The following ISM1 variants were observed in gnomAD, a reference collection of about 807,000 sequenced individuals.
ISM1 encodes the protein isthmin-1.
ISM1 carries 25 observed loss-of-function variants against 46.3 expected under a neutral mutation model. That is an observed-to-expected ratio of 0.54 (90% confidence interval 0.39 to 0.75). The LOEUF is 0.75. Among genes scored for constraint, ISM1 ranks in the 30% least tolerant of loss-of-function variants. ISM1 has a pLI of 0.00. For synonymous variants in ISM1, 255 were observed against 256.7 expected (o/e 0.99, Z 0.06); for missense variants, 536 against 625.4 (o/e 0.86, Z 1.52).
Position 13,226,414 on chromosome 20 carries a change from A to T in ISM1, c.138+4500A>T, listed in dbSNP as rs569663053. On this transcript the variant is annotated intron_variant, in intron 1 of 5. Coordinates refer to ENST00000262487, the MANE Select transcript of ISM1 (RefSeq NM_080826.2). ...AGTCAGGCTGATTACTTTTACTGGA[A>T]TTTTTTTTTTTAATGATTGACAATT... 2.5e-3 allele frequency among the ~76,000 whole-genome samples: 372 copies of T among 148,608 alleles called. 4 individuals are homozygous for T. Among genetic ancestry groups the T allele is most frequent in the African/African-American group, 8.1e-3 (330 of 40,686 alleles).
At chr20:13,262,271 C>A (rs907964749) in intron 1 of ISM1, among the ~76,000 whole-genome samples, 7 of 152,154 alleles carry the variant, frequency 4.6e-5, no homozygotes, top group Non-Finnish European at 1.0e-4. Flanking sequence ...GGTGGCCTGG[C>A]CTTTATAGCC....
Position 13,288,526 on chromosome 20 carries a change from TG to T in ISM1, c.644-12del, listed in dbSNP as rs2040317546. On this transcript the variant is annotated splice_polypyrimidine_tract_variant and intron_variant, in intron 3 of 5. Coordinates refer to ENST00000262487, the MANE Select transcript of ISM1 (RefSeq NM_080826.2). The stretch of plus-strand genomic sequence containing the variant: ...TGGCCAAAGTTGATGACCATCTCCC[TG>T]GCTGTCTTCCAGATTCCACAGATGG... 6.2e-7 allele frequency: 1 copy of T among 1,612,692 alleles called. No individual in the cohort carries two copies. Among genetic ancestry groups the T allele is most frequent in the Non-Finnish European group, 8.5e-7 (1 of 1,179,044 alleles).
chr20:13,282,628 G>T (rs963208607), intron 3 of ISM1, among the ~76,000 whole-genome samples: 2 of 152,170 alleles, frequency 1.3e-5, no homozygotes, highest in Non-Finnish European at 2.9e-5. Flanking sequence ...CCATGGAGAA[G>T]CTCCATCCTG....
chr20:13,301,696 A>T (rs2040459480), downstream of ISM1, among the ~76,000 whole-genome samples: 1 of 151,866 alleles, frequency 6.6e-6, no homozygotes, highest in Non-Finnish European at 1.5e-5. Context: ...TAATGAGGAA[A>T]TTTTTTTTGC....
At chr20:13,289,253 G>A (rs556075845) in intron 4 of ISM1, among the ~76,000 whole-genome samples, 21 of 152,238 alleles carry the variant, frequency 1.4e-4, no homozygotes, top group Admixed American at 1.0e-3. Context: ...TTTTGATGTG[G>A]GATTTGTTGT....
chr20:13,237,154 A>C (rs745785082), intron 1 of ISM1, among the ~76,000 whole-genome samples: 1 of 152,188 alleles, frequency 6.6e-6, no homozygotes, highest in African/African-American at 2.4e-5. Flanking sequence ...ACACATGAGA[A>C]TTCTGGGAGA....
At chr20:13,294,898 C>T (rs564416464) in intron 5 of ISM1, among the ~76,000 whole-genome samples, 11 of 152,310 alleles carry the variant, frequency 7.2e-5, no homozygotes, top group African/African-American at 2.4e-4. Context: ...ACTCAAGTCA[C>T]AGAGCTCCTG....
At chr20:13,318,390 T>C in the ISM1 span, among the ~76,000 whole-genome samples, 1 of 152,196 alleles carries the variant, frequency 6.6e-6, no homozygotes, top group South Asian at 2.1e-4. Flanking sequence ...GAATTCAAAA[T>C]GGCGTGACCA....
chr20:13,307,259 A>C, the ISM1 span, among the ~76,000 whole-genome samples: 1 of 152,202 alleles, frequency 6.6e-6, no homozygotes, highest in Admixed American at 6.5e-5. Context: ...CCTTTGGGCC[A>C]GTCTTTTTCA....
chr20:13,267,450 G>A (rs545794570), intron 1 of ISM1, among the ~76,000 whole-genome samples: 2 of 152,262 alleles, frequency 1.3e-5, no homozygotes, highest in East Asian at 1.9e-4. Flanking sequence ...ACCCTAACGC[G>A]ACACTTCCCT....
At chr20:13,293,471 GCCT>G (rs1347977972) in intron 5 of ISM1, among the ~76,000 whole-genome samples, 2 of 151,282 alleles carry the variant, frequency 1.3e-5, no homozygotes, top group Non-Finnish European at 2.9e-5. Flanking sequence ...CCTCTGCCCT[GCCT>G]CCTCAGTCAA....
At chr20:13,280,128 G>A (rs886382873) in intron 3 of ISM1, among the ~76,000 whole-genome samples, 4 of 152,122 alleles carry the variant, frequency 2.6e-5, no homozygotes, top group African/African-American at 4.8e-5. Flanking sequence ...CCAATTATCC[G>A]AAGAGATAAT....
At chr20:13,222,551 G>T (rs960338213) in intron 1 of ISM1, among the ~76,000 whole-genome samples, 1 of 152,152 alleles carries the variant, frequency 6.6e-6, no homozygotes, top group East Asian at 1.9e-4. Flanking sequence ...TGAAGGCACC[G>T]GTAGTGATTT....
At chr20:13,271,048 A>C (rs1248738531) in intron 2 of ISM1, among the ~76,000 whole-genome samples, 1 of 152,256 alleles carries the variant, frequency 6.6e-6, no homozygotes, top group Non-Finnish European at 1.5e-5. Flanking sequence ...AAAGCAAAAC[A>C]AAACAAAATA....
At chr20:13,229,825 C>A (rs1414862499) in intron 1 of ISM1, among the ~76,000 whole-genome samples, 2 of 152,072 alleles carry the variant, frequency 1.3e-5, no homozygotes, top group Non-Finnish European at 2.9e-5. Flanking sequence ...TCATATCTAC[C>A]AGAAATCCCT....
At position 13,246,084 on chromosome 20, in the gene ISM1, T is replaced by G. The variant is rs545287138; in HGVS notation, c.138+24170T>G. On this transcript the variant is annotated intron_variant, in intron 1 of 5. Transcript: ENST00000262487. The stretch of plus-strand genomic sequence containing the variant: ...GGCGTTCAAGACCAGCTGGCCAACA[T>G]GGTGAAACCCCGTCTCTACTGAAAA... Among the ~76,000 whole-genome samples the G allele has an allele frequency of 1.2e-3, 187 of 152,156 alleles. 3 individuals carry two copies. Among genetic ancestry groups the G allele is most frequent in the African/African-American group, 4.4e-3 (182 of 41,508 alleles).
intron 5 of ISM1, among the ~76,000 whole-genome samples, chr20:13,296,309 G>A (rs567179751): frequency 1.1e-4 from 17 of 152,248 alleles, no homozygotes; most frequent in African/African-American, 4.1e-4. Flanking sequence ...TTCCTAGCTG[G>A]AAATCCAGGA....
chr20:13,294,489 A>G (rs1375049107), intron 5 of ISM1, among the ~76,000 whole-genome samples: 1 of 152,238 alleles, frequency 6.6e-6, no homozygotes, highest in Non-Finnish European at 1.5e-5. Flanking sequence ...CCCCACAGGC[A>G]GGCAGCATCT....
chr20:13,280,603 G>A (rs1228185825), intron 3 of ISM1, among the ~76,000 whole-genome samples: 2 of 152,136 alleles, frequency 1.3e-5, no homozygotes, highest in Non-Finnish European at 2.9e-5. Context: ...CAACTGTTAG[G>A]GCCTGAGAGT....
Sources: gnomAD v4.1 joint callset for allele counts (sites outside exome capture counted in the v4.1 genomes callset) on GRCh38, gnomAD v4.1.1 for gene constraint, MANE v1.5 for transcripts, NCBI Gene and HGNC (gene_info 2026-07-23, HGNC 2026-07-21) for gene names.